The following SCAF1 variants were observed in gnomAD, a reference collection of about 807,000 sequenced individuals.
The protein encoded by SCAF1 is SR-related CTD associated factor 1, also known as splicing factor, arginine/serine-rich 19.
SCAF1 carries 28 observed loss-of-function variants against 91.2 expected under a neutral mutation model. The ratio of observed to expected loss-of-function variants is 0.31; its 90% confidence interval spans 0.23 to 0.42. SCAF1 has a LOEUF of 0.42. Among genes scored for constraint, SCAF1 ranks in the 10% least tolerant of loss-of-function variants. SCAF1 has a pLI of 1.00. For synonymous variants in SCAF1, 1,036 were observed against 833.7 expected (o/e 1.24, Z -4.18); for missense variants, 1,893 against 1,872.1 (o/e 1.01, Z -0.21).
Position 49,646,242 on chromosome 19 carries a change from A to C in SCAF1, c.261+40A>C. ...GGGGCTGGGGGCCTGGCTCACGGGTATCAGGGAGGAAGGGATGGGGGCCTG... is the reference window on the plus strand; with the variant it reads ...GGGGCTGGGGGCCTGGCTCACGGGTCTCAGGGAGGAAGGGATGGGGGCCTG... On this transcript the variant is annotated intron_variant, in intron 4 of 10. Coordinates refer to ENST00000360565, the MANE Select transcript of SCAF1 (RefSeq NM_021228.3). This position sits in a 1 kb window ranked among gnomAD's most constrained non-coding sequence, Gnocchi z 5.6. 7.1e-7 allele frequency: 1 copy of C among 1,409,724 alleles called. No individual in the cohort carries two copies. The highest frequency in any genetic ancestry group is 9.8e-7 in the Non-Finnish European group (1 of 1,023,532). 87.3% of individuals were successfully genotyped at this position (1,409,724 alleles called of 1,614,324 possible).
chr19:49,644,973 C>T (rs2081046082), intron 1 of SCAF1, 48 bp from the exon 2 acceptor site: 1 of 1,386,738 alleles, frequency 7.2e-7, no homozygotes, highest in Non-Finnish European at 1.0e-6. Context: ...CTACTTCCAT[C>T]CTTTCTCCCG....
At chr19:49,643,168 G>C (rs1267630178) in intron 1 of SCAF1, among the ~76,000 whole-genome samples, 1 of 152,158 alleles carries the variant, frequency 6.6e-6, no homozygotes, top group African/African-American at 2.4e-5. Flanking sequence ...TTACCCTGGG[G>C]GTTATTGAGA....
intron 6 of SCAF1, among the ~76,000 whole-genome samples, chr19:49,647,191 C>T (rs532500233): frequency 3.3e-5 from 5 of 152,346 alleles, no homozygotes; most frequent in South Asian, 4.1e-4. Flanking sequence ...CCAGATGCTC[C>T]GTGGGGTGCC....
chr19:49,656,044 C>T (rs927754941), intron 9 of SCAF1, among the ~76,000 whole-genome samples: 8 of 152,356 alleles, frequency 5.3e-5, no homozygotes, highest in East Asian at 3.9e-4. Flanking sequence ...AGCTGTGTAC[C>T]GTGCCAGATA....
chr19:49,655,577 G>A (rs1266948291), intron 9 of SCAF1, among the ~76,000 whole-genome samples: 1 of 152,172 alleles, frequency 6.6e-6, no homozygotes, highest in Admixed American at 6.5e-5. Flanking sequence ...ACGTTGGCCA[G>A]GCTGGTCTTG....
chr19:49,652,747 G>A lies in SCAF1; in HGVS notation c.2358G>A (p.Arg786=). 1.2e-6 allele frequency: 2 copies of A among 1,609,290 alleles called. No homozygotes were observed. The highest frequency in any genetic ancestry group is 1.7e-6 in the Non-Finnish European group (2 of 1,178,194). ...GDRDRDRDRD[R]DRDRSSKKAR... ...GGGATCGGGACAGGGACAGAGATAG[G>A]GACAGGGACAGGTCATCCAAGAAGG... is the stretch of plus-strand genomic sequence containing the variant. The change falls in exon 7 of 11, where the codon AGG becomes AGA. Residue 786 remains arginine, a synonymous_variant. Transcript: ENST00000360565.
At position 49,658,492 on chromosome 19, in the gene SCAF1, G is replaced by A; in HGVS notation, c.*93G>A. ...CACCTCCCTCCCCCGTCAGTGGGAT[G>A]ACTGGGGGAGGGTTGCTGCAGGGAA... On this transcript the variant is annotated 3_prime_UTR_variant, in exon 11 of 11. Coordinates refer to ENST00000360565, the MANE Select transcript of SCAF1 (RefSeq NM_021228.3). 1 of 720,378 alleles carries A rather than the reference G, an allele frequency of 1.4e-6. No individual in the cohort carries two copies. Among genetic ancestry groups the A allele is most frequent in the Non-Finnish European group, 2.3e-6 (1 of 439,642 alleles). The allele number at this position is 720,378 out of a possible 1,614,324, so 44.6% of individuals were successfully genotyped here.
Position 49,648,155 on chromosome 19 carries a change from C to T in SCAF1, c.478+1325C>T, listed in dbSNP as rs142749954. ...TGGAGTCTTACTGTGTCACCTAGGC[C>T]GGAGTGCAGTAGTGGGGTCTAGTCT... On this transcript the variant is annotated intron_variant, in intron 6 of 10. Transcript: ENST00000360565. Among the ~76,000 whole-genome samples, 220 of 151,454 alleles carry T rather than the reference C, an allele frequency of 1.5e-3. 1 individual carries two copies. Among genetic ancestry groups the T allele is most frequent in the African/African-American group, 5.0e-3 (208 of 41,266 alleles).
At position 49,658,358 on chromosome 19, in the gene SCAF1, C is replaced by T. The variant is rs1273258114; in HGVS notation, c.3898C>T (p.Pro1300Ser). 1.3e-6 allele frequency: 2 copies of T among 1,567,186 alleles called. No homozygotes were observed. Among genetic ancestry groups the T allele is most frequent in the Middle Eastern group, 1.8e-4 (1 of 5,648 alleles). ...ACGGCCGCCCAAGGAGCCAGGGCCC[C>T]CAGACAAGGGTGGCCCGGGCCTGCC... is the stretch of plus-strand genomic sequence containing the variant. ...PPRPPKEPGPPDKGGPGLPLP... is the reference protein window; with the variant it reads ...PPRPPKEPGPSDKGGPGLPLP... Residue 1300 changes from proline to serine, a missense_variant, in exon 11 of 11, where the codon CCA becomes TCA. Physicochemically the swap from Pro to Ser is moderately conservative, Grantham distance 74. Around this residue, in one of 5 missense-constraint regions of SCAF1, gnomAD observed 51 missense variants for 49.9 expected, o/e 1.02. Coordinates refer to ENST00000360565, the MANE Select transcript of SCAF1 (RefSeq NM_021228.3).
chr19:49,651,883 G>GC lies in SCAF1; in HGVS notation c.1497dup (p.Ser500LeufsTer153). 1 of 1,198,890 alleles carries GC rather than the reference G, an allele frequency of 8.3e-7. No individual in the cohort carries two copies. Among genetic ancestry groups the GC allele is most frequent in the Non-Finnish European group, 1.0e-6 (1 of 963,390 alleles). The allele number at this position is 1,198,890 out of a possible 1,614,324, so 74.3% of individuals were successfully genotyped here. On this transcript the variant is annotated frameshift_variant, in exon 7 of 11. Transcript: ENST00000360565. LOFTEE classifies it high-confidence loss of function. ...GGCGGGAGCGCTACCGCCAGCGCTCGCCCTCCCCGGCGCCCGCGCCCGCCC... is the reference window on the plus strand; with the variant it reads ...GGCGGGAGCGCTACCGCCAGCGCTCGCCCCTCCCCGGCGCCCGCGCCCGCCC...
chr19:49,646,246 G>T lies in SCAF1; in HGVS notation c.261+44G>T. 1 of 1,507,304 alleles carries T rather than the reference G, an allele frequency of 6.6e-7. No homozygotes were observed. Among genetic ancestry groups the T allele is most frequent in the South Asian group, 1.1e-5 (1 of 88,044 alleles). The allele number at this position is 1,507,304 out of a possible 1,614,324, so 93.4% of individuals were successfully genotyped here. A position where few individuals can be genotyped will look rare whatever the true frequency, so the allele number is the denominator to read the frequency against. ...CTGGGGGCCTGGCTCACGGGTATCA[G>T]GGAGGAAGGGATGGGGGCCTGAGTC... On this transcript the variant is annotated intron_variant, in intron 4 of 10. Coordinates refer to ENST00000360565, the MANE Select transcript of SCAF1 (RefSeq NM_021228.3). The surrounding 1 kb of genome is among the most constrained non-coding windows in gnomAD (Gnocchi z 5.6).
In SCAF1 at chr19:49,645,671, C is replaced by G. The variant is rs2081050724; in HGVS notation, c.166+260C>G. 6.6e-6 allele frequency among the ~76,000 whole-genome samples: 1 copy of G among 152,182 alleles called. No homozygotes were observed. On this transcript the variant is annotated intron_variant, in intron 3 of 10. Transcript: ENST00000360565. The surrounding 1 kb of genome is among the most constrained non-coding windows in gnomAD (Gnocchi z 4.6). ...GACGGGTCAGGGCACCTTCCCCGAGCAGGGACAGTGAACGGCTCTCTAAGG... is the reference window on the plus strand; with the variant it reads ...GACGGGTCAGGGCACCTTCCCCGAGGAGGGACAGTGAACGGCTCTCTAAGG...
intron 1 of SCAF1, among the ~76,000 whole-genome samples, chr19:49,643,844 T>A (rs1229283395): frequency 6.6e-6 from 1 of 152,100 alleles, no homozygotes; most frequent in African/African-American, 2.4e-5. Flanking sequence ...AAGTTAGGAA[T>A]TAGGTGGAGC....
chr19:49,645,293 G>A lies in SCAF1; in HGVS notation c.109-61G>A, dbSNP rs1216098027. Reference sequence around the variant, plus strand: ...GTCTGGGATGTCTGTCTCCCAAGGGGCAGAGGTTGCAAAGCATCTGCCTGG... The same window carrying A: ...GTCTGGGATGTCTGTCTCCCAAGGGACAGAGGTTGCAAAGCATCTGCCTGG... On this transcript the variant is annotated intron_variant, in intron 2 of 10. Transcript: ENST00000360565. The surrounding 1 kb of genome is among the most constrained non-coding windows in gnomAD (Gnocchi z 4.6). 1.9e-6 allele frequency: 3 copies of A among 1,582,336 alleles called. No individual in the cohort carries two copies. Among genetic ancestry groups the A allele is most frequent in the Non-Finnish European group, 2.6e-6 (3 of 1,151,762 alleles).
In SCAF1 at chr19:49,650,850, C is replaced by G. The variant is rs1184306109; in HGVS notation, c.479-18C>G. On this transcript the variant is annotated intron_variant, in intron 6 of 10. Transcript: ENST00000360565. ...AGGCAAAGGCCCTGACCGCCTCTCT[C>G]TCCCTGTTCCTTTGCAGTTTCTCCA... 8 of 1,597,642 alleles carry G rather than the reference C, an allele frequency of 5.0e-6. No individual in the cohort carries two copies. The highest frequency in any genetic ancestry group is 6.8e-6 in the Non-Finnish European group (8 of 1,170,728).
In SCAF1 at chr19:49,652,386, C is replaced by T; in HGVS notation, c.1997C>T (p.Ala666Val). Residue 666 changes from alanine to valine, a missense_variant, in exon 7 of 11, where the codon GCC (alanine) becomes GTC (valine). Physicochemically the swap from Ala to Val is moderately conservative, Grantham distance 64 (BLOSUM62 0). Transcript: ENST00000360565. ...GDGSEKAPAP[A>V]PPPSGSTSCG... is the part of the protein sequence containing the mutation. ...GGCAGCGAGAAGGCCCCGGCGCCCG[C>T]CCCGCCGCCCTCTGGCTCCACCTCG... is the stretch of plus-strand genomic sequence containing the variant. 1.3e-6 allele frequency: 2 copies of T among 1,556,700 alleles called. No homozygotes were observed. Among genetic ancestry groups the T allele is most frequent in the South Asian group, 1.2e-5 (1 of 85,468 alleles).
rs770481255 is a variant in SCAF1 at position 49,654,302 on chromosome 19, CTGTCACCTCTCCCATCTTCATGT to C, written c.3317-35_3317-13del. 5 of 1,544,960 alleles carry C rather than the reference CTGTCACCTCTCCCATCTTCATGT, an allele frequency of 3.2e-6. No individual in the cohort carries two copies. The African/African-American group carries it at 4.1e-5, about 13-fold the overall frequency. ...CAGGTGAGGTTCACCAGCTCCTGTC[CTGTCACCTCTCCCATCTTCATGT>C]TGTCACCTCTCTGCCTCCTGCAGTG... is the stretch of plus-strand genomic sequence containing the variant. On this transcript the variant is annotated intron_variant, in intron 7 of 10. Coordinates refer to ENST00000360565, the MANE Select transcript of SCAF1 (RefSeq NM_021228.3).
rs771601240 is a variant in SCAF1, at chr19:49,652,487, G to A, written c.2098G>A (p.Ala700Thr). The A allele has an allele frequency of 8.2e-6, 13 of 1,590,442 alleles. No homozygotes were observed. In the African/African-American group the frequency reaches 1.2e-4, roughly 15 times the overall value. The change falls in exon 7 of 11, where the codon GCC becomes ACC. Residue 700 changes from alanine (A) to threonine (T), a missense_variant. By Grantham distance (58) the Ala-to-Thr change is moderately conservative (BLOSUM62 0). Transcript: ENST00000360565. ...GGACCTCACGGACCACGACCTCTTC[G>A]CCATCAAGCGGACCATCACGGTGGG... ...IQDLTDHDLFAIKRTITVGRL... is the reference protein window; with the variant it reads ...IQDLTDHDLFTIKRTITVGRL...
At position 49,646,739 on chromosome 19, in the gene SCAF1, G is replaced by C; in HGVS notation, c.387G>C (p.Val129=). The C allele has an allele frequency of 6.2e-7, 1 of 1,614,100 alleles. No homozygotes were observed. Among genetic ancestry groups the C allele is most frequent in the Non-Finnish European group, 8.5e-7 (1 of 1,180,000 alleles). Residue 129 remains valine (V), a synonymous_variant, in exon 6 of 11, where the codon GTG becomes GTC. Coordinates refer to ENST00000360565, the MANE Select transcript of SCAF1 (RefSeq NM_021228.3). The surrounding 1 kb of genome is among the most constrained non-coding windows in gnomAD (Gnocchi z 5.6). ...PGESEDMLEL[V]AEVRIGDRDP... Reference sequence around the variant, plus strand: ...GAAGTGAGGACATGCTGGAGCTGGTGGCTGAGGTCCGAATCGGGGACAGAG... The same window carrying C: ...GAAGTGAGGACATGCTGGAGCTGGTCGCTGAGGTCCGAATCGGGGACAGAG...
Sources: allele counts gnomAD v4.1 joint callset (sites outside exome capture counted in the v4.1 genomes callset), GRCh38; gene constraint gnomAD v4.1.1; regional missense constraint gnomAD v4.1.1; non-coding constraint Gnocchi (gnomAD v3.1); transcripts MANE v1.5; gene names NCBI Gene and HGNC (gene_info 2026-07-23, HGNC 2026-07-21).